ALK: variants seen among roughly 807,000 people sequenced by gnomAD.
ALK encodes ALK tyrosine kinase receptor.
Under a neutral mutation model 163.1 loss-of-function variants are expected in ALK, and 74 were observed. The observed-to-expected ratio is 0.45, with a 90% CI of 0.38 to 0.55. The LOEUF is 0.55. Among genes scored for constraint, ALK ranks in the 20% least tolerant of loss-of-function variants. The pLI is 0.00. For synonymous variants in ALK, 960 were observed against 843.2 expected, an observed-to-expected ratio of 1.14 and a Z score of -2.40; for missense variants, 2,063 against 2,105.3, an observed-to-expected ratio of 0.98 and a Z score of 0.39.
At chr2:29,809,934 T>A (rs561297962) in intron 1 of ALK, among the ~76,000 whole-genome samples, 129 of 152,214 alleles carry the variant, frequency 8.5e-4, no homozygotes, top group Non-Finnish European at 1.6e-3. Flanking sequence ...TCTTCCCAAG[T>A]CAGACTTGAA....
intron 5 of ALK, among the ~76,000 whole-genome samples, chr2:29,346,145 G>T (rs533428004): frequency 5.8e-4 from 89 of 152,184 alleles, no homozygotes; most frequent in Admixed American, 2.2e-3. Context: ...ACATTCTGAC[G>T]ACCCCAATTC....
intron 3 of ALK, among the ~76,000 whole-genome samples, chr2:29,572,515 T>C (rs1295997510): frequency 6.6e-6 from 1 of 152,142 alleles, no homozygotes; most frequent in Non-Finnish European, 1.5e-5. Context: ...ATGCCTGGTA[T>C]GCCCCCCTGA....
chr2:29,818,316 T>A (rs928624988), intron 1 of ALK, among the ~76,000 whole-genome samples: 31 of 152,244 alleles, frequency 2.0e-4, no homozygotes, highest in African/African-American at 7.0e-4. Flanking sequence ...GTTTTTCCCT[T>A]TTCCCTGGCC....
chr2:29,327,903 C>A (rs898207131), intron 6 of ALK, among the ~76,000 whole-genome samples: 1 of 151,900 alleles, frequency 6.6e-6, no homozygotes, highest in Non-Finnish European at 1.5e-5. Flanking sequence ...AAAGGGGAGA[C>A]CATGTGAGCA....
intron 1 of ALK, among the ~76,000 whole-genome samples, chr2:29,790,360 G>C (rs1664159696): frequency 1.3e-5 from 2 of 152,130 alleles, no homozygotes; most frequent in Non-Finnish European, 2.9e-5. Context: ...AAGTGACATA[G>C]ACTGGGCTTG....
intron 23 of ALK, among the ~76,000 whole-genome samples, chr2:29,216,900 GTA>G (rs1437463032): frequency 7.6e-6 from 1 of 131,996 alleles, no homozygotes; most frequent in Non-Finnish European, 1.7e-5. Context: ...TTGGTTGTGA[GTA>G]TATGTGGTAT....
intron 1 of ALK, among the ~76,000 whole-genome samples, chr2:29,724,390 T>C (rs1391695427): frequency 6.6e-6 from 1 of 152,206 alleles, no homozygotes; most frequent in African/African-American, 2.4e-5. Flanking sequence ...TAAATAGTGG[T>C]CTGGATGTCA....
intron 3 of ALK, among the ~76,000 whole-genome samples, chr2:29,575,790 CTGCAGTGCTGTGGCCCCAGCA>C (rs1404100897): frequency 6.6e-6 from 1 of 152,218 alleles, no homozygotes; most frequent in African/African-American, 2.4e-5. Flanking sequence ...GATTGCTCTT[CTGCAGTGCTGTGGCCCCAGCA>C]TGGTGTTTCT....
At chr2:29,584,064 T>C (rs1674800745) in intron 3 of ALK, among the ~76,000 whole-genome samples, 1 of 151,872 alleles carries the variant, frequency 6.6e-6, no homozygotes, top group Admixed American at 6.6e-5. Flanking sequence ...AAAAGCCAAA[T>C]GGGGTAGGGT....
rs74830770 is a variant in ALK, at chr2:29,296,986, G to T, written c.1719C>A (p.Thr573=). The part of the protein sequence containing the change: ...NVSLVLVENK[T]GKEQGRMVWH... ...AGACCATCCTGCCTTGCTCCTTCCC[G>T]GTTTTGTTCTCCACTAGCACCAAGG... is the stretch of plus-strand genomic sequence containing the variant. Residue 573 remains threonine (T), a synonymous_variant, in exon 9 of 29, where the codon ACC becomes ACA. Coordinates refer to ENST00000389048, the MANE Select transcript of ALK (RefSeq NM_004304.5). 1.2e-6 allele frequency: 2 copies of T among 1,614,146 alleles called. No homozygotes were observed. Among genetic ancestry groups the T allele is most frequent in the South Asian group, 2.2e-5 (2 of 91,076 alleles).
chr2:29,385,379 G>GT (rs1669008367), intron 4 of ALK, among the ~76,000 whole-genome samples: 3 of 125,990 alleles, frequency 2.4e-5, no homozygotes, highest in South Asian at 2.4e-4. Context: ...AACCTGTCAG[G>GT]TTGTTTTTTT....
chr2:29,795,156 T>G (rs1448710837), intron 1 of ALK, among the ~76,000 whole-genome samples: 2 of 151,900 alleles, frequency 1.3e-5, no homozygotes, highest in Admixed American at 6.6e-5. Flanking sequence ...GAAAAGGCTA[T>G]GAACATCAAC....
At chr2:29,439,314 C>T (rs1033042441) in intron 4 of ALK, among the ~76,000 whole-genome samples, 13 of 152,056 alleles carry the variant, frequency 8.5e-5, no homozygotes, top group African/African-American at 2.9e-4. Flanking sequence ...AAAGCACAAA[C>T]GTGGGTATAA....
chr2:29,778,171 C>A (rs1681231103), intron 1 of ALK, among the ~76,000 whole-genome samples: 1 of 152,188 alleles, frequency 6.6e-6, no homozygotes, highest in Non-Finnish European at 1.5e-5. Flanking sequence ...CATTTGCATT[C>A]ACAGCACAGG....
At chr2:29,883,031 A>C (rs1414011700) in intron 1 of ALK, among the ~76,000 whole-genome samples, 2 of 151,562 alleles carry the variant, frequency 1.3e-5, no homozygotes, top group African/African-American at 4.8e-5. Context: ...TTTTTTCATG[A>C]AGGAAGGAAG....
At chr2:29,215,991 G>T (rs1264863171) in intron 23 of ALK, among the ~76,000 whole-genome samples, 1 of 152,188 alleles carries the variant, frequency 6.6e-6, no homozygotes, top group African/African-American at 2.4e-5. Context: ...CCACATGGGA[G>T]ACCAGGGGGA....
chr2:29,408,084 TTTC>T (rs1669633459), intron 4 of ALK, among the ~76,000 whole-genome samples: 3 of 148,356 alleles, frequency 2.0e-5, no homozygotes, highest in African/African-American at 5.1e-5. Flanking sequence ...GAAAGTTCTT[TTTC>T]TTTTTTTTTT....
At chr2:29,688,692 GTGTGTGTCTGTGTC>G (rs1281345036) in intron 3 of ALK, among the ~76,000 whole-genome samples, 1 of 152,166 alleles carries the variant, frequency 6.6e-6, no homozygotes, top group Non-Finnish European at 1.5e-5. Flanking sequence ...CTGCCCATGA[GTGTGTGTCTGTGTC>G]TGTGTGTGTG....
At chr2:29,733,187 A>G (rs768154927) in intron 1 of ALK, among the ~76,000 whole-genome samples, 1 of 152,194 alleles carries the variant, frequency 6.6e-6, no homozygotes, top group African/African-American at 2.4e-5. Context: ...AGAGTAACCT[A>G]GCCATTCTCC....
Sources: gnomAD v4.1 joint callset for allele counts (sites outside exome capture counted in the v4.1 genomes callset) on GRCh38, gnomAD v4.1.1 for gene constraint, MANE v1.5 for transcripts, NCBI Gene and HGNC (gene_info 2026-07-23, HGNC 2026-07-21) for gene names.